The following CCNL2 variants were observed in gnomAD, a reference collection of about 807,000 sequenced individuals.
CCNL2 encodes the protein cyclin-L2.
Under a neutral mutation model 59.1 loss-of-function variants are expected in CCNL2, and 28 were observed. The observed-to-expected ratio is 0.47, with a 90% CI of 0.35 to 0.65. CCNL2 has a LOEUF of 0.65. Ranked by LOEUF, CCNL2 falls within the 30% of genes least tolerant of loss-of-function variation. CCNL2 has a pLI of 0.00. For synonymous variants in CCNL2, 342 were observed against 288.6 expected (o/e 1.19, Z -1.88); for missense variants, 714 against 717.4 (o/e 1.00, Z 0.05).
rs776823901 is a variant in CCNL2, at chr1:1,388,048, C to T, written c.1024G>A (p.Gly342Ser). ...AGTGGGGAAGGCTTGCTCCCTTTAC[C>T]TTCTTTGGGGGATTCCACTAGAATC... is the stretch of plus-strand genomic sequence containing the variant. ...APKLVESPKE[G>S]KGSKPSPLSV... The change falls in exon 9 of 11, where the codon GGT (glycine) becomes AGT (serine). Residue 342 changes from glycine (G) to serine (S), a missense_variant. Gly to Ser is a moderately conservative substitution (Grantham distance 56). Transcript: ENST00000400809. The T allele has an allele frequency of 3.7e-6, 6 of 1,613,614 alleles. No homozygotes were observed. Among genetic ancestry groups the T allele is most frequent in the Middle Eastern group, 1.6e-4 (1 of 6,080 alleles).
At chr1:1,391,691 T>C in intron 5 of CCNL2, 1 of 578,754 alleles carries the variant, frequency 1.7e-6, no homozygotes, top group South Asian at 1.9e-5. Flanking sequence ...CTTTCATATT[T>C]AGAAGCTATA....
rs1305966643 is a variant in CCNL2, at chr1:1,398,690, TC to T, written c.289-20del. On this transcript the variant is annotated intron_variant, in intron 1 of 10. Coordinates refer to ENST00000400809, the MANE Select transcript of CCNL2 (RefSeq NM_030937.6). ...TGGCCACCTAGAGTAGAAGAAAGTT[TC>T]CGTATTTTCAAACGCACCATTCAAA... 3.7e-6 allele frequency: 6 copies of T among 1,609,980 alleles called. No homozygotes were observed. Among genetic ancestry groups the T allele is most frequent in the Non-Finnish European group, 5.1e-6 (6 of 1,176,624 alleles).
chr1:1,391,746 C>A (rs926239220), intron 5 of CCNL2: 1 of 361,898 alleles, frequency 2.8e-6, no homozygotes, highest in African/African-American at 2.2e-5. Context: ...GCATTTAAAA[C>A]CTGGCTACAT....
chr1:1,387,418 T>C lies in CCNL2; in HGVS notation c.1376A>G (p.His459Arg). Residue 459 changes from histidine (H) to arginine (R), a missense_variant, in exon 11 of 11, where the codon CAC (histidine) becomes CGC (arginine). Transcript: ENST00000400809. ...SKDCKYPQKP[H>R]KSRSRSSSRS... ...GGAAGAACTCCGGCTCCGAGACTTGTGTGGCTTCTGGGGGTACTTGCAGTC... is the reference window on the plus strand; with the variant it reads ...GGAAGAACTCCGGCTCCGAGACTTGCGTGGCTTCTGGGGGTACTTGCAGTC... The C allele has an allele frequency of 6.2e-7, 1 of 1,613,728 alleles. No individual in the cohort carries two copies.
At chr1:1,390,716 G>A in intron 6 of CCNL2, 50 bp downstream of exon 6, 1 of 1,567,058 alleles carries the variant, frequency 6.4e-7, no homozygotes, top group Non-Finnish European at 8.8e-7. Flanking sequence ...ACTGGAGGCT[G>A]GAGAAAAAAA....
At chr1:1,396,191 A>G (rs1244266524) in intron 3 of CCNL2, among the ~76,000 whole-genome samples, 86 of 94,072 alleles carry the variant, frequency 9.1e-4, no homozygotes, top group Non-Finnish European at 1.3e-3. Context: ...TCCGTCTCAG[A>G]AAAAAAAAAA....
At position 1,390,597 on chromosome 1, in the gene CCNL2, C is replaced by T. The variant is rs910258330; in HGVS notation, c.760-34G>A. 15 of 1,567,166 alleles carry T rather than the reference C, an allele frequency of 9.6e-6. No homozygotes were observed. The African/African-American group carries it at 1.8e-4, about 18-fold the overall frequency. Reference sequence around the variant, plus strand: ...ACAAACACTATCATCATTACACTTTCCTCAACTTCACGGCCAGCAAGACTC... The same window carrying T: ...ACAAACACTATCATCATTACACTTTTCTCAACTTCACGGCCAGCAAGACTC... On this transcript the variant is annotated intron_variant, in intron 6 of 10. Coordinates refer to ENST00000400809, the MANE Select transcript of CCNL2 (RefSeq NM_030937.6).
At chr1:1,396,002 C>A (rs935942396) in intron 3 of CCNL2, among the ~76,000 whole-genome samples, 1 of 151,050 alleles carries the variant, frequency 6.6e-6, no homozygotes, top group Admixed American at 6.6e-5. Context: ...CATGGTGAAA[C>A]CCTGTCTCTA....
At chr1:1,396,076 G>A (rs952311280) in intron 3 of CCNL2, among the ~76,000 whole-genome samples, 10 of 151,588 alleles carry the variant, frequency 6.6e-5, no homozygotes, top group Non-Finnish European at 1.5e-5. Flanking sequence ...CTACTCAGGA[G>A]GCTGAGGCAG....
chr1:1,394,127 A>C (rs1644888226), intron 4 of CCNL2, among the ~76,000 whole-genome samples: 1 of 147,464 alleles, frequency 6.8e-6, no homozygotes, highest in Non-Finnish European at 1.5e-5. Flanking sequence ...TCCGTCTCCA[A>C]AAAAAAAAAA....
intron 2 of CCNL2, 32 bp downstream of exon 2, chr1:1,398,565 C>A (rs753598637): frequency 2.2e-5 from 35 of 1,606,544 alleles, no homozygotes; most frequent in Non-Finnish European, 2.8e-5. Context: ...CAACATACTT[C>A]GCTGGGAATG....
At chr1:1,390,593 C>T (rs984384760) in intron 6 of CCNL2, 30 bp from the exon 7 acceptor site, 1 of 1,567,052 alleles carries the variant, frequency 6.4e-7, no homozygotes, top group African/African-American at 1.4e-5. Context: ...CATCATTACA[C>T]TTTCCTCAAC....
chr1:1,391,836 C>T (rs1275416886), intron 5 of CCNL2: 1 of 296,538 alleles, frequency 3.4e-6, no homozygotes, highest in Non-Finnish European at 6.6e-6. Context: ...ACTGCAAAAA[C>T]AGAAAGGGTG....
In CCNL2 at chr1:1,387,785, A is replaced by G. The variant is rs1644535946; in HGVS notation, c.1203T>C (p.Pro401=). Residue 401 remains proline, a synonymous_variant, in exon 10 of 11, where the codon CCT becomes CCC. Transcript: ENST00000400809. ...YSRSPSRSAS[P]KRRKSDSGST... Reference sequence around the variant, plus strand: ...CGCCCTGAGGCACACACCTCCTCTTAGGAGACGCTGATCGGGATGGGGACC... The same window carrying G: ...CGCCCTGAGGCACACACCTCCTCTTGGGAGACGCTGATCGGGATGGGGACC... The G allele has an allele frequency of 1.2e-6, 2 of 1,611,734 alleles. No individual in the cohort carries two copies. The highest frequency in any genetic ancestry group is 1.7e-6 in the Non-Finnish European group (2 of 1,179,110).
In CCNL2 at chr1:1,388,036, T is replaced by G. The variant is rs760993316; in HGVS notation, c.1036A>C (p.Lys346Gln). 1 of 1,613,968 alleles carries G rather than the reference T, an allele frequency of 6.2e-7. No homozygotes were observed. ...TTCTTCACAGACAGTGGGGAAGGCT[T>G]GCTCCCTTTACCTTCTTTGGGGGAT... ...VESPKEGKGS[K>Q]PSPLSVKNTK... is the part of the protein sequence containing the mutation. Residue 346 changes from lysine (K) to glutamine (Q), a missense_variant, in exon 9 of 11, where the codon AAG becomes CAG. Lys to Gln is a moderately conservative substitution (Grantham distance 53, BLOSUM62 1). Around this residue, in one of 5 missense-constraint regions of CCNL2, gnomAD observed 403 missense variants for 377.7 expected, o/e 1.07. Coordinates refer to ENST00000400809, the MANE Select transcript of CCNL2 (RefSeq NM_030937.6).
At chr1:1,391,672 A>C (rs1644769789) in intron 5 of CCNL2, 2 of 670,952 alleles carry the variant, frequency 3.0e-6, no homozygotes, top group Admixed American at 7.4e-5. Flanking sequence ...ATCACAGTAC[A>C]TTCTTTAACT....
chr1:1,394,815 T>C (rs987660286), intron 4 of CCNL2, among the ~76,000 whole-genome samples: 1 of 150,686 alleles, frequency 6.6e-6, no homozygotes, highest in African/African-American at 2.4e-5. Flanking sequence ...TCCCAGCACT[T>C]TGGGAGGCCA....
chr1:1,397,769 G>A (rs908734213), intron 3 of CCNL2, among the ~76,000 whole-genome samples: 3 of 152,184 alleles, frequency 2.0e-5, no homozygotes, highest in Non-Finnish European at 2.9e-5. Flanking sequence ...GGAGGCTGAG[G>A]CAGGAGAAAC....
Position 1,387,025 on chromosome 1 carries a change from C to G in CCNL2, c.*206G>C. 1 of 556,218 alleles carries G rather than the reference C, an allele frequency of 1.8e-6. No individual in the cohort carries two copies. The highest frequency in any genetic ancestry group is 3.2e-6 in the Non-Finnish European group (1 of 314,820). 34.5% of individuals were successfully genotyped at this position (556,218 alleles called of 1,614,324 possible). The stretch of plus-strand genomic sequence containing the variant: ...GGTGTGCGCCGCACCCCAGACCGGT[C>G]TGAAGCACGTGTCACCGGTCCCTCA... On this transcript the variant is annotated 3_prime_UTR_variant, in exon 11 of 11. Coordinates refer to ENST00000400809, the MANE Select transcript of CCNL2 (RefSeq NM_030937.6).
Sources: gnomAD v4.1 joint callset for allele counts (sites outside exome capture counted in the v4.1 genomes callset) on GRCh38, gnomAD v4.1.1 for gene constraint, gnomAD v4.1.1 regional missense constraint, MANE v1.5 for transcripts, NCBI Gene and HGNC (gene_info 2026-07-23, HGNC 2026-07-21) for gene names.